CBLB: variants seen among roughly 807,000 people sequenced by gnomAD.
CBLB encodes Cbl proto-oncogene B.
Under a neutral mutation model 104.9 loss-of-function variants are expected in CBLB, and 31 were observed. The observed-to-expected ratio is 0.30, with a 90% CI of 0.22 to 0.40. CBLB has a LOEUF of 0.40. Among genes scored for constraint, CBLB ranks in the 10% least tolerant of loss-of-function variants. The pLI is 1.00. For missense variants in CBLB, 1,062 were observed against 1,214.6 expected (o/e 0.87, Z 1.87); for synonymous variants, 440 against 422.6 (o/e 1.04, Z -0.51).
chr3:105,684,962 T>C (rs1194962399), intron 14 of CBLB, among the ~76,000 whole-genome samples: 1 of 152,188 alleles, frequency 6.6e-6, no homozygotes, highest in East Asian at 1.9e-4. Flanking sequence ...AAAATCTGAA[T>C]AGAAGTAGGT....
At position 105,827,349 on chromosome 3, in the gene CBLB, G is replaced by C. The variant is rs541746551; in HGVS notation, c.419+26065C>G. Among the ~76,000 whole-genome samples the C allele has an allele frequency of 2.0e-5, 3 of 152,024 alleles. No homozygotes were observed. In the East Asian group the frequency reaches 5.8e-4, roughly 29 times the overall value. ...TTCCCTCGTACCCATCTCCCACACA[G>C]AAGTTGGTTCCCATAACACTCACAA... On this transcript the variant is annotated intron_variant, in intron 3 of 18. Coordinates refer to ENST00000394030, the MANE Select transcript of CBLB (RefSeq NM_170662.5).
chr3:105,852,673 C>CTTTCAGAGCAAT (rs1176120319), intron 3 of CBLB, among the ~76,000 whole-genome samples: 3 of 151,652 alleles, frequency 2.0e-5, no homozygotes, highest in African/African-American at 7.3e-5. Context: ...CACTCACTCA[C>CTTTCAGAGCAAT]TTCCAGTCTG....
rs1279377422 is a variant in CBLB, at chr3:105,656,463, T to C, written c.*2507A>G. 5.2e-6 allele frequency: 1 copy of C among 192,472 alleles called. No homozygotes were observed. The highest frequency in any genetic ancestry group is 1.1e-5 in the Non-Finnish European group (1 of 92,204). 11.9% of individuals were successfully genotyped at this position (192,472 alleles called of 1,614,324 possible). On this transcript the variant is annotated 3_prime_UTR_variant, in exon 19 of 19. Transcript: ENST00000394030. ...GATAGCAATGGGTCTTTCTTGACAG[T>C]GTTTAATAGAAAGTTTTCCTCTTTT... is the stretch of plus-strand genomic sequence containing the variant.
chr3:105,868,535 C>T (rs969254442), intron 1 of CBLB: 30 of 325,888 alleles, frequency 9.2e-5, no homozygotes, highest in Non-Finnish European at 1.3e-4. Flanking sequence ...TCCTCACCGC[C>T]GTCTGCCTGG....
chr3:105,777,837 A>C (rs147855415), intron 3 of CBLB, among the ~76,000 whole-genome samples: 101 of 152,320 alleles, frequency 6.6e-4, no homozygotes, highest in African/African-American at 2.3e-3. Flanking sequence ...TCATACTACA[A>C]AACAGTACTA....
upstream of CBLB, chr3:105,869,373 C>T (rs950622392): frequency 8.9e-6 from 12 of 1,342,440 alleles, no homozygotes; most frequent in African/African-American, 3.0e-5. Flanking sequence ...GCGTCGGGAC[C>T]GGGAGCCAAA....
chr3:105,764,723 A>G (rs2078029329), intron 4 of CBLB, among the ~76,000 whole-genome samples: 1 of 152,240 alleles, frequency 6.6e-6, no homozygotes, highest in Admixed American at 6.5e-5. Flanking sequence ...ACATAGGACA[A>G]AAGTGAGGCC....
intron 3 of CBLB, among the ~76,000 whole-genome samples, chr3:105,842,646 G>C (rs1299159382): frequency 1.3e-5 from 2 of 152,202 alleles, no homozygotes; most frequent in African/African-American, 4.8e-5. Flanking sequence ...TGCAATTCAA[G>C]ATAAGAAGAC....
At chr3:105,696,283 C>T (rs921812560) in intron 12 of CBLB, among the ~76,000 whole-genome samples, 3 of 151,520 alleles carry the variant, frequency 2.0e-5, no homozygotes, top group African/African-American at 4.8e-5. Flanking sequence ...ATCATGTTTC[C>T]GTTCATCTAA....
intron 9 of CBLB, among the ~76,000 whole-genome samples, chr3:105,726,302 A>AT (rs1259059611): frequency 6.6e-6 from 1 of 152,134 alleles, no homozygotes; most frequent in Admixed American, 6.5e-5. Context: ...GAGTTTATTG[A>AT]TTTTTTTGTA....
At chr3:105,821,972 CA>C (rs529478235) in intron 3 of CBLB, among the ~76,000 whole-genome samples, 104 of 152,206 alleles carry the variant, frequency 6.8e-4, no homozygotes, top group African/African-American at 2.5e-3. Context: ...TGCATCTTAA[CA>C]TTTTTTTTGC....
chr3:105,772,964 T>C (rs2079029379), intron 4 of CBLB, among the ~76,000 whole-genome samples: 2 of 152,170 alleles, frequency 1.3e-5, no homozygotes, highest in Admixed American at 6.5e-5. Context: ...ACAACCACTA[T>C]GGAAAACAGT....
intron 3 of CBLB, among the ~76,000 whole-genome samples, chr3:105,804,529 A>AG (rs1373044950): frequency 6.6e-6 from 1 of 152,060 alleles, no homozygotes; most frequent in Non-Finnish European, 1.5e-5. Flanking sequence ...TCAAAAAAAA[A>AG]AAAATGTAAA....
At chr3:105,842,540 C>T (rs1479980986) in intron 3 of CBLB, among the ~76,000 whole-genome samples, 1 of 152,136 alleles carries the variant, frequency 6.6e-6, no homozygotes, top group Non-Finnish European at 1.5e-5. Flanking sequence ...TTCAATATAC[C>T]GCTACCTTTG....
At chr3:105,746,749 T>C (rs1299298158) in intron 5 of CBLB, among the ~76,000 whole-genome samples, 2 of 152,196 alleles carry the variant, frequency 1.3e-5, no homozygotes, top group Admixed American at 1.3e-4. Flanking sequence ...AACCATATCA[T>C]AGAACTTGCA....
In CBLB at chr3:105,720,141, A is replaced by G; in HGVS notation, c.1313T>C (p.Ile438Thr). The part of the protein sequence containing the change: ...PRDEGSRCCS[I>T]IDPFGMPMLD... ...CATCGGCATGCCAAAGGGGTCAATG[A>G]TGCTGCAACACCTGGAGCCTTCATC... Residue 438 changes from isoleucine (I) to threonine (T), a missense_variant, in exon 10 of 19, where the codon ATC (isoleucine) becomes ACC (threonine). Ile to Thr is a moderately conservative substitution (Grantham distance 89). This residue lies in a region of CBLB where 457 missense variants were observed against 632.0 expected (regional missense o/e 0.72). Transcript: ENST00000394030. 6.2e-7 allele frequency: 1 copy of G among 1,613,938 alleles called. No homozygotes were observed. Among genetic ancestry groups the G allele is most frequent in the East Asian group, 2.2e-5 (1 of 44,886 alleles).
chr3:105,728,128 T>G (rs1483770306), intron 9 of CBLB, among the ~76,000 whole-genome samples: 1 of 152,216 alleles, frequency 6.6e-6, no homozygotes, highest in Non-Finnish European at 1.5e-5. Context: ...TAAATTACTT[T>G]GGGCATTTTG....
intron 3 of CBLB, among the ~76,000 whole-genome samples, chr3:105,779,234 T>C (rs962985333): frequency 2.6e-5 from 4 of 152,220 alleles, no homozygotes; most frequent in Admixed American, 6.5e-5. Context: ...GGGTATCTGA[T>C]CCACTGGCTA....
chr3:105,781,158 T>C (rs1409533937), intron 3 of CBLB, among the ~76,000 whole-genome samples: 3 of 152,130 alleles, frequency 2.0e-5, no homozygotes, highest in African/African-American at 4.8e-5. Flanking sequence ...CACAACGTCA[T>C]CATCTAAGCA....
Sources: gnomAD v4.1 joint callset for allele counts (sites outside exome capture counted in the v4.1 genomes callset) on GRCh38, gnomAD v4.1.1 for gene constraint, gnomAD v4.1.1 regional missense constraint, MANE v1.5 for transcripts, NCBI Gene and HGNC (gene_info 2026-07-23, HGNC 2026-07-21) for gene names.